HIPK1: variants seen among roughly 807,000 people sequenced by gnomAD.
The protein encoded by HIPK1 is homeodomain interacting protein kinase 1.
A neutral mutation model predicts 117.1 loss-of-function variants in HIPK1; 28 were observed. The observed-to-expected ratio is 0.24, with a 90% confidence interval of 0.18 to 0.33. The LOEUF is 0.33. Among genes scored for constraint, HIPK1 ranks in the 10% least tolerant of loss-of-function variants. The probability of loss-of-function intolerance (pLI) is 1.00; values close to 1 mark genes in which losing one functional copy is unlikely to be tolerated. For synonymous variants in HIPK1, 605 were observed against 562.5 expected (o/e 1.08, Z -1.07); for missense variants, 1,122 against 1,475.1 (o/e 0.76, Z 3.92).
At chr1:113,967,699 T>G in intron 11 of HIPK1, 67 bp from the exon 12 acceptor site, 2 of 1,147,776 alleles carry the variant, frequency 1.7e-6, no homozygotes, top group South Asian at 2.2e-5. Flanking sequence ...TTGCTTTTGA[T>G]GTCTGTTTGG....
intron 2 of HIPK1, chr1:113,951,416 A>C: frequency 3.1e-6 from 1 of 318,638 alleles, no homozygotes; most frequent in Non-Finnish European, 4.5e-6. Context: ...CCAATAACTT[A>C]ATCTTTCTTT....
chr1:113,939,655 A>G (rs1670514927), intron 1 of HIPK1, among the ~76,000 whole-genome samples: 1 of 152,114 alleles, frequency 6.6e-6, no homozygotes, highest in South Asian at 2.1e-4. Flanking sequence ...AATTATTAAA[A>G]AGGGGCAAAG....
chr1:113,974,860 C>G lies in HIPK1; in HGVS notation c.*1348C>G, dbSNP rs996651551. 1 of 152,726 alleles carries G rather than the reference C, an allele frequency of 6.5e-6. No individual in the cohort carries two copies. Among genetic ancestry groups the G allele is most frequent in the African/African-American group, 2.4e-5 (1 of 41,434 alleles). The allele number at this position is 152,726 out of a possible 1,614,324, so 9.5% of individuals were successfully genotyped here. On this transcript the variant is annotated 3_prime_UTR_variant, in exon 16 of 16. Transcript: ENST00000426820. ...TGTAATCAAATGTGTAGTGATTACACTTGAATTGTGTACTTAGTGTGTATG... is the reference window on the plus strand; with the variant it reads ...TGTAATCAAATGTGTAGTGATTACAGTTGAATTGTGTACTTAGTGTGTATG...
At chr1:113,958,042 C>T (rs1257071850) in intron 7 of HIPK1, 24 bp from the exon 8 acceptor site, 1 of 1,525,268 alleles carries the variant, frequency 6.6e-7, no homozygotes, top group Admixed American at 1.7e-5. Context: ...TACAAGTGTA[C>T]AAATATAATC....
In HIPK1 at chr1:113,969,599, T is replaced by G. The variant is rs952140694; in HGVS notation, c.2772-357T>G. 2.6e-5 allele frequency among the ~76,000 whole-genome samples: 4 copies of G among 152,146 alleles called. No individual in the cohort carries two copies. The South Asian group carries it at 8.3e-4, about 31-fold the overall frequency. On this transcript the variant is annotated intron_variant, in intron 13 of 15. Transcript: ENST00000426820. ...ATGGGAGAACCAGAGACAGATCATCTAAGAAACATTGCTTAAAAGGGTGGT... is the reference window on the plus strand; with the variant it reads ...ATGGGAGAACCAGAGACAGATCATCGAAGAAACATTGCTTAAAAGGGTGGT...
chr1:113,966,373 A>G, intron 11 of HIPK1, 101 bp downstream of exon 11: 3 of 1,119,728 alleles, frequency 2.7e-6, no homozygotes, highest in Admixed American at 2.9e-5. Flanking sequence ...ATAAAGGAAA[A>G]TTTGACACTG....
intron 2 of HIPK1, chr1:113,951,237 T>C: frequency 1.0e-6 from 1 of 984,888 alleles, no homozygotes; most frequent in Non-Finnish European, 1.2e-6. Flanking sequence ...TAATTAGTCA[T>C]AGTTTGACAA....
chr1:113,973,171 C>T lies in HIPK1; in HGVS notation c.3292C>T (p.Leu1098Phe). The T allele has an allele frequency of 6.2e-7, 1 of 1,609,954 alleles. No homozygotes were observed. ...GCTACACTCGACAGGGCACCCACACCTTGCCCCGGCCCCTGCTCACCTGCC... is the reference window on the plus strand; with the variant it reads ...GCTACACTCGACAGGGCACCCACACTTTGCCCCGGCCCCTGCTCACCTGCC... ...SPLHSTGHPH[L>F]APAPAHLPSQ... Residue 1098 changes from leucine to phenylalanine, a missense_variant, in exon 16 of 16, where the codon CTT (leucine) becomes TTT (phenylalanine). By Grantham distance (22) the Leu-to-Phe change is conservative. Around this residue, in one of 6 missense-constraint regions of HIPK1, gnomAD observed 731 missense variants for 860.4 expected, o/e 0.85. Coordinates refer to ENST00000426820, the MANE Select transcript of HIPK1 (RefSeq NM_198268.3).
At chr1:113,944,165 T>TTTTG (rs1558130897) in intron 2 of HIPK1, among the ~76,000 whole-genome samples, 3 of 123,492 alleles carry the variant, frequency 2.4e-5, no homozygotes, top group Non-Finnish European at 3.3e-5. Context: ...ATGGGTTTTT[T>TTTTG]TTTTTTTTTT....
chr1:113,949,595 C>CT (rs1671213605), intron 2 of HIPK1, among the ~76,000 whole-genome samples: 6 of 115,268 alleles, frequency 5.2e-5, no homozygotes, highest in African/African-American at 7.6e-5. Flanking sequence ...TACTTCTTTT[C>CT]TTTTCTTTTT....
intron 13 of HIPK1, among the ~76,000 whole-genome samples, chr1:113,968,884 G>A (rs1672636929): frequency 6.6e-6 from 1 of 152,202 alleles, no homozygotes; most frequent in Non-Finnish European, 1.5e-5. Flanking sequence ...AGCAGGGCGT[G>A]GTGGCACATG....
chr1:113,950,589 T>G (rs1338477617), intron 2 of HIPK1, among the ~76,000 whole-genome samples: 1 of 152,148 alleles, frequency 6.6e-6, no homozygotes, highest in African/African-American at 2.4e-5. Context: ...TTGCAACTTA[T>G]GCCTCCCAAG....
At chr1:113,963,613 C>G in intron 10 of HIPK1, 92 bp downstream of exon 10, 1 of 1,490,930 alleles carries the variant, frequency 6.7e-7, no homozygotes. Context: ...CTGTTTTTTT[C>G]TGGTTTATTT....
chr1:113,972,178 A>G (rs1672882728), intron 15 of HIPK1: 1 of 1,295,718 alleles, frequency 7.7e-7, no homozygotes, highest in Non-Finnish European at 1.0e-6. Flanking sequence ...AGACCTCCCT[A>G]AGTCTACCCT....
Position 113,967,825 on chromosome 1 carries a change from C to G in HIPK1, c.2441C>G (p.Thr814Ser), listed in dbSNP as rs762684103. 6.2e-7 allele frequency: 1 copy of G among 1,611,368 alleles called. No homozygotes were observed. Among genetic ancestry groups the G allele is most frequent in the African/African-American group, 1.3e-5 (1 of 74,832 alleles). ...ATCATGCAGCAGCCATCCTTGCTGA[C>G]TAACCATGTGACATTGGCCACTGCT... ...STIMQQPSLL[T>S]NHVTLATAQP... Residue 814 changes from threonine (T) to serine (S), a missense_variant, in exon 12 of 16, where the codon ACT becomes AGT. Physicochemically the swap from Thr to Ser is moderately conservative, Grantham distance 58. This residue lies in a region of HIPK1 where 731 missense variants were observed against 860.4 expected (regional missense o/e 0.85). Transcript: ENST00000426820.
At chr1:113,948,965 G>A (rs1671167221) in intron 2 of HIPK1, among the ~76,000 whole-genome samples, 2 of 152,116 alleles carry the variant, frequency 1.3e-5, no homozygotes, top group Admixed American at 6.5e-5. Context: ...AGCCTCTGGA[G>A]TAGTTGGGAT....
In HIPK1 at chr1:113,977,496, T is replaced by G. The variant is rs989393563; in HGVS notation, c.*3984T>G. On this transcript the variant is annotated 3_prime_UTR_variant, in exon 16 of 16. Transcript: ENST00000426820. ...ACTTTTTTTGCTTTCTCCCTTTTTT[T>G]GGTTGTGCGCTTTCTTTTACAACAA... 6.5e-6 allele frequency: 1 copy of G among 152,796 alleles called. No homozygotes were observed. The highest frequency in any genetic ancestry group is 2.4e-5 in the African/African-American group (1 of 41,468). 9.5% of individuals were successfully genotyped at this position (152,796 alleles called of 1,614,324 possible).
At position 113,973,434 on chromosome 1, in the gene HIPK1, TG is replaced by T; in HGVS notation, c.3558del (p.Ser1187LeufsTer13). On this transcript the variant is annotated frameshift_variant, in exon 16 of 16. Coordinates refer to ENST00000426820, the MANE Select transcript of HIPK1 (RefSeq NM_198268.3). LOFTEE classifies it high-confidence loss of function. ...ACCAGTTTGCCACCCAATCCTACAT[TG>T]GGTCTTCCCGAGGCTCAACAATTTA... ...QHQFATQSYIGSSRGSTIYTG... is the reference protein window; with the variant it reads ...QHQFATQSYIXSSRGSTIYTG... 1 of 1,614,032 alleles carries T rather than the reference TG, an allele frequency of 6.2e-7. No individual in the cohort carries two copies. Among genetic ancestry groups the T allele is most frequent in the Non-Finnish European group, 8.5e-7 (1 of 1,179,940 alleles).
At position 113,940,886 on chromosome 1, in the gene HIPK1, G is replaced by T; in HGVS notation, c.503G>T (p.Ser168Ile). Residue 168 changes from serine to isoleucine, a missense_variant, in exon 2 of 16, where the codon AGT becomes ATT. Physicochemically the swap from Ser to Ile is moderately radical, Grantham distance 142. Coordinates refer to ENST00000426820, the MANE Select transcript of HIPK1 (RefSeq NM_198268.3). ...ACCACTGTGACCACAAAGAGTAGCA[G>T]TTCCAGCGGAGAAGGGGATTACCAG... ...TTTTVTTKSS[S>I]SSGEGDYQLV... 6.2e-7 allele frequency: 1 copy of T among 1,614,170 alleles called. No homozygotes were observed. The highest frequency in any genetic ancestry group is 1.3e-5 in the African/African-American group (1 of 75,026).
Sources: allele counts gnomAD v4.1 joint callset (sites outside exome capture counted in the v4.1 genomes callset), GRCh38; gene constraint gnomAD v4.1.1; regional missense constraint gnomAD v4.1.1; transcripts MANE v1.5; gene names NCBI Gene and HGNC (gene_info 2026-07-23, HGNC 2026-07-21).